The following GRHL2 variants were observed in gnomAD, a reference collection of about 807,000 sequenced individuals.
GRHL2 encodes grainyhead-like protein 2 homolog.
A neutral mutation model predicts 83.8 loss-of-function variants in GRHL2; 21 were observed. That is an observed-to-expected ratio of 0.25 (90% CI 0.18 to 0.36). The LOEUF is 0.36. Among genes scored for constraint, GRHL2 ranks in the 10% least tolerant of loss-of-function variants. The pLI is 1.00. For synonymous variants in GRHL2, 280 were observed against 278.9 expected, an observed-to-expected ratio of 1.00 and a Z score of -0.04; for missense variants, 623 against 781.8, an observed-to-expected ratio of 0.80 and a Z score of 2.42.
At chr8:101,629,719 T>C (rs1162325108) in intron 9 of GRHL2, among the ~76,000 whole-genome samples, 2 of 152,122 alleles carry the variant, frequency 1.3e-5, no homozygotes, top group Non-Finnish European at 2.9e-5. Context: ...ATGCCTTACA[T>C]GGACCCAAGA....
intron 8 of GRHL2, among the ~76,000 whole-genome samples, chr8:101,618,073 G>T (rs983503191): frequency 3.3e-5 from 5 of 152,114 alleles, no homozygotes; most frequent in African/African-American, 1.2e-4. Flanking sequence ...ATAGTACCAA[G>T]AGTATAATAT....
At chr8:101,608,146 A>G (rs866654816) in intron 8 of GRHL2, among the ~76,000 whole-genome samples, 3 of 152,358 alleles carry the variant, frequency 2.0e-5, no homozygotes, top group Middle Eastern at 3.4e-3. Context: ...GCATTATGCA[A>G]TATTCATATT....
At chr8:101,528,819 A>G (rs1810860497) in intron 1 of GRHL2, 1 of 341,872 alleles carries the variant, frequency 2.9e-6, no homozygotes, top group Admixed American at 3.5e-5. Flanking sequence ...TTGAAGAGCC[A>G]TTCAAACCAA....
At chr8:101,642,094 G>A (rs1389114819) in intron 12 of GRHL2, among the ~76,000 whole-genome samples, 1 of 152,164 alleles carries the variant, frequency 6.6e-6, no homozygotes, top group Non-Finnish European at 1.5e-5. Flanking sequence ...GTTGGACTGG[G>A]CATCAGGAGA....
At chr8:101,580,210 C>T (rs527466191) in intron 7 of GRHL2, among the ~76,000 whole-genome samples, 2 of 151,998 alleles carry the variant, frequency 1.3e-5, no homozygotes, top group Non-Finnish European at 2.9e-5. Flanking sequence ...TATGGAGTAC[C>T]TGTGATATTT....
chr8:101,647,960 T>C (rs1813546388), intron 13 of GRHL2, among the ~76,000 whole-genome samples: 1 of 152,182 alleles, frequency 6.6e-6, no homozygotes, highest in Non-Finnish European at 1.5e-5. Context: ...GGTTGATGGC[T>C]CTGTTGGTGT....
At position 101,599,253 on chromosome 8, in the gene GRHL2, A is replaced by G. The variant is rs547277326; in HGVS notation, c.1098+102A>G. On this transcript the variant is annotated intron_variant, in intron 8 of 15. Coordinates refer to ENST00000646743, the MANE Select transcript of GRHL2 (RefSeq NM_024915.4). ...GTATCAGTAGCCTCCTATTAAAAAG[A>G]AATGAACCTTTCATCTTTTGCCTTT... is the stretch of plus-strand genomic sequence containing the variant. 115 of 804,756 alleles carry G rather than the reference A, an allele frequency of 1.4e-4. No homozygotes were observed. The African/African-American group carries it at 1.6e-3, about 11-fold the overall frequency. 49.9% of individuals were successfully genotyped at this position (804,756 alleles called of 1,614,324 possible).
chr8:101,498,441 G>A (rs775074858), intron 1 of GRHL2, among the ~76,000 whole-genome samples: 8 of 152,130 alleles, frequency 5.3e-5, no homozygotes, highest in Non-Finnish European at 8.8e-5. Flanking sequence ...GAGGACTGTT[G>A]TTTCACTGAA....
intron 10 of GRHL2, 146 bp downstream of exon 10, chr8:101,631,870 G>C (rs780548609): frequency 2.7e-6 from 2 of 738,380 alleles, no homozygotes; most frequent in Admixed American, 2.0e-5. Flanking sequence ...GAGACAGGGT[G>C]ATTGATTATC....
intron 1 of GRHL2, among the ~76,000 whole-genome samples, chr8:101,526,817 T>C (rs950736726): frequency 2.0e-5 from 3 of 152,188 alleles, no homozygotes; most frequent in African/African-American, 7.2e-5. Context: ...TTACACGTAC[T>C]TCCTGCTTTG....
intron 7 of GRHL2, among the ~76,000 whole-genome samples, chr8:101,587,157 T>A (rs1410580211): frequency 6.6e-6 from 1 of 152,216 alleles, no homozygotes; most frequent in Non-Finnish European, 1.5e-5. Context: ...TGTCCCTTCG[T>A]CATTTTCCTT....
chr8:101,653,665 A>C (rs10093301), intron 14 of GRHL2, among the ~76,000 whole-genome samples: 15,937 of 152,016 alleles, frequency 0.1, 837 homozygotes, highest in Middle Eastern at 0.14. Context: ...TCACTTGAAC[A>C]CAGGAGGCGG....
intron 9 of GRHL2, among the ~76,000 whole-genome samples, chr8:101,627,956 G>A (rs898630089): frequency 6.6e-6 from 1 of 152,156 alleles, no homozygotes; most frequent in African/African-American, 2.4e-5. Context: ...TTTGAAGCTA[G>A]CAGAGATGAC....
intron 13 of GRHL2, among the ~76,000 whole-genome samples, chr8:101,645,116 A>ATTTTTTTTTTT (rs553249046): frequency 8.5e-6 from 1 of 117,344 alleles, no homozygotes; most frequent in African/African-American, 3.3e-5. Context: ...GCAGTACAGA[A>ATTTTTTTTTTT]TTTTTTTTTT....
intron 1 of GRHL2, among the ~76,000 whole-genome samples, chr8:101,522,742 T>TACATATACATATACATATACATATAC (rs1554582882): frequency 0.04 from 5,944 of 150,446 alleles, 189 homozygotes; most frequent in Non-Finnish European, 0.063. Flanking sequence ...CATATACATA[T>TACATATACATATACATATACATATAC]ATATATATAC....
At chr8:101,620,186 A>G (rs188974262) in intron 9 of GRHL2, among the ~76,000 whole-genome samples, 1 of 152,252 alleles carries the variant, frequency 6.6e-6, no homozygotes, top group East Asian at 1.9e-4. Flanking sequence ...CACAAATTCT[A>G]TCATAAAGAC....
chr8:101,549,606 G>A (rs1443400601), intron 2 of GRHL2, among the ~76,000 whole-genome samples: 1 of 152,174 alleles, frequency 6.6e-6, no homozygotes, highest in Non-Finnish European at 1.5e-5. Context: ...AGAAAAATGT[G>A]ATGGTGCCAT....
intron 3 of GRHL2, among the ~76,000 whole-genome samples, chr8:101,556,681 GC>G (rs1361502770): frequency 1.3e-5 from 2 of 152,148 alleles, no homozygotes; most frequent in Non-Finnish European, 2.9e-5. Context: ...ACTTCCTTAA[GC>G]CCCCAAAGGA....
intron 7 of GRHL2, among the ~76,000 whole-genome samples, chr8:101,587,660 T>C (rs1235118913): frequency 6.6e-6 from 1 of 152,228 alleles, no homozygotes; most frequent in Non-Finnish European, 1.5e-5. Flanking sequence ...TTATTTTCTT[T>C]TTCAGATGTG....
Sources: allele counts gnomAD v4.1 joint callset (sites outside exome capture counted in the v4.1 genomes callset), GRCh38; gene constraint gnomAD v4.1.1; transcripts MANE v1.5; gene names NCBI Gene and HGNC (gene_info 2026-07-23, HGNC 2026-07-21).